Variants in KATNIP observed in about 807,000 individuals in gnomAD.
The protein encoded by KATNIP is katanin interacting protein, also known as katanin-interacting protein.
KATNIP carries 126 observed loss-of-function variants against 174.0 expected under a neutral mutation model. The observed-to-expected ratio is 0.72, with a 90% confidence interval of 0.63 to 0.84. The LOEUF is 0.84. Among genes scored for constraint, KATNIP ranks in the 40% least tolerant of loss-of-function variants. The pLI, the probability that KATNIP is intolerant of heterozygous loss-of-function variation, is 0.00. For synonymous variants in KATNIP, 810 were observed against 835.7 expected, an observed-to-expected ratio of 0.97 and a Z score of 0.53; for missense variants, 1,958 against 2,109.7, an observed-to-expected ratio of 0.93 and a Z score of 1.41.
At chr16:27,748,307 G>A (rs753855282) in intron 15 of KATNIP, among the ~76,000 whole-genome samples, 2 of 152,168 alleles carry the variant, frequency 1.3e-5, no homozygotes, top group Non-Finnish European at 1.5e-5. Context: ...TTGGCTGGGC[G>A]CGGTGGCTTA....
intron 2 of KATNIP, among the ~76,000 whole-genome samples, chr16:27,602,073 C>T (rs1423146145): frequency 6.6e-6 from 1 of 152,182 alleles, no homozygotes; most frequent in Non-Finnish European, 1.5e-5. Context: ...ACTAACAGCA[C>T]CAGCCTGAGA....
At chr16:27,624,311 A>G (rs1334121583) in intron 3 of KATNIP, among the ~76,000 whole-genome samples, 1 of 151,950 alleles carries the variant, frequency 6.6e-6, no homozygotes, top group East Asian at 1.9e-4. Flanking sequence ...AGCCCCAGCC[A>G]TGTCAGGTCC....
At chr16:27,704,798 G>A (rs984441191) in intron 12 of KATNIP, among the ~76,000 whole-genome samples, 2 of 152,138 alleles carry the variant, frequency 1.3e-5, no homozygotes, top group Non-Finnish European at 2.9e-5. Context: ...ACAAAGATGT[G>A]GCCATATGAG....
intron 2 of KATNIP, among the ~76,000 whole-genome samples, chr16:27,605,548 T>C (rs1383349443): frequency 6.6e-6 from 1 of 152,168 alleles, no homozygotes; most frequent in Non-Finnish European, 1.5e-5. Context: ...TAGTAATAAA[T>C]GTAACTCTAA....
At chr16:27,746,774 C>T (rs758683383) in intron 15 of KATNIP, among the ~76,000 whole-genome samples, 12 of 151,876 alleles carry the variant, frequency 7.9e-5, no homozygotes, top group African/African-American at 2.4e-4. Flanking sequence ...GGAGGGCCAG[C>T]GGGGCTGGAG....
chr16:27,603,136 T>C (rs2075586529), intron 2 of KATNIP, among the ~76,000 whole-genome samples: 1 of 152,194 alleles, frequency 6.6e-6, no homozygotes, highest in African/African-American at 2.4e-5. Context: ...TGAAAAGACA[T>C]CTCAGAAGGC....
chr16:27,565,188 A>C lies in KATNIP; in HGVS notation c.8-8713A>C, dbSNP rs977232639. On this transcript the variant is annotated intron_variant, in intron 1 of 27. Transcript: ENST00000261588. ...CAAGATAAAGAAATAATAGGAGTCCAGGCGCGGTGGCTCACACCTGTAATC... is the reference window on the plus strand; with the variant it reads ...CAAGATAAAGAAATAATAGGAGTCCCGGCGCGGTGGCTCACACCTGTAATC... Among the ~76,000 whole-genome samples, 34 of 150,772 alleles carry C rather than the reference A, an allele frequency of 2.3e-4. 1 individual carries two copies. The highest frequency in any genetic ancestry group is 8.2e-4 in the African/African-American group (34 of 41,236).
At chr16:27,619,200 G>A (rs2076127265) in intron 3 of KATNIP, among the ~76,000 whole-genome samples, 1 of 152,154 alleles carries the variant, frequency 6.6e-6, no homozygotes, top group Non-Finnish European at 1.5e-5. Flanking sequence ...CTGGCTCAGT[G>A]GAACAGTGGA....
intron 14 of KATNIP, among the ~76,000 whole-genome samples, chr16:27,728,562 C>G (rs141867059): frequency 2.9e-4 from 44 of 152,320 alleles, no homozygotes; most frequent in African/African-American, 5.5e-4. Flanking sequence ...TCCTGAGTTG[C>G]TGGGACTACA....
intron 13 of KATNIP, among the ~76,000 whole-genome samples, chr16:27,712,696 A>T (rs897685987): frequency 1.3e-5 from 2 of 151,924 alleles, no homozygotes; most frequent in African/African-American, 4.8e-5. Flanking sequence ...CCTCAAGATG[A>T]CTCCAGATTT....
chr16:27,564,112 T>G (rs906839928), intron 1 of KATNIP, among the ~76,000 whole-genome samples: 1 of 151,928 alleles, frequency 6.6e-6, no homozygotes, highest in African/African-American at 2.4e-5. Flanking sequence ...GGGCCTGGCT[T>G]GGAGAGCGGG....
At chr16:27,585,995 G>A (rs1245328580) in intron 2 of KATNIP, among the ~76,000 whole-genome samples, 1 of 152,116 alleles carries the variant, frequency 6.6e-6, no homozygotes, top group Admixed American at 6.6e-5. Flanking sequence ...CAGCTACTGG[G>A]GAGGCTGAAG....
chr16:27,630,298 G>A lies in KATNIP; in HGVS notation c.311-767G>A, dbSNP rs1417828530. 2.0e-5 allele frequency among the ~76,000 whole-genome samples: 3 copies of A among 152,220 alleles called. No individual in the cohort carries two copies. The East Asian group carries it at 5.8e-4, about 29-fold the overall frequency. ...TATGCCCACCTTGCAGGCTTGCTGGGAAGATTAAATGATGTAAGAAATGTA... is the reference window on the plus strand; with the variant it reads ...TATGCCCACCTTGCAGGCTTGCTGGAAAGATTAAATGATGTAAGAAATGTA... On this transcript the variant is annotated intron_variant, in intron 4 of 27. Transcript: ENST00000261588.
At chr16:27,732,603 CAG>C (rs1159842479) in intron 14 of KATNIP, among the ~76,000 whole-genome samples, 1 of 152,172 alleles carries the variant, frequency 6.6e-6, no homozygotes, top group African/African-American at 2.4e-5. Context: ...CAACCAGAGT[CAG>C]GGAGGAGGGG....
chr16:27,726,139 C>G (rs191816110), intron 14 of KATNIP, among the ~76,000 whole-genome samples: 1 of 152,276 alleles, frequency 6.6e-6, no homozygotes, highest in Non-Finnish European at 1.5e-5. Flanking sequence ...GGCATGGGAA[C>G]CCTACTGGGA....
At chr16:27,739,006 T>TAA (rs71140909) in intron 14 of KATNIP, among the ~76,000 whole-genome samples, 21 of 146,458 alleles carry the variant, frequency 1.4e-4, no homozygotes, top group African/African-American at 4.2e-4. Context: ...TGATTTCAGT[T>TAA]AAAAAAAAAA....
intron 1 of KATNIP, among the ~76,000 whole-genome samples, chr16:27,553,962 C>T (rs1433779234): frequency 8.8e-6 from 1 of 113,304 alleles, no homozygotes; most frequent in Non-Finnish European, 1.7e-5. Flanking sequence ...AGAGAGAGAG[C>T]AGGGGGTGGG....
intron 13 of KATNIP, among the ~76,000 whole-genome samples, chr16:27,712,409 C>A (rs1597253313): frequency 6.6e-6 from 1 of 152,298 alleles, no homozygotes; most frequent in East Asian, 1.9e-4. Context: ...CCTCGTTTAA[C>A]CCTCACATGA....
chr16:27,579,794 G>T (rs1264922729), intron 2 of KATNIP, among the ~76,000 whole-genome samples: 1 of 152,114 alleles, frequency 6.6e-6, no homozygotes, highest in Non-Finnish European at 1.5e-5. Context: ...TGCAAGGATT[G>T]CAAAAGTCAT....
Sources: allele counts gnomAD v4.1 joint callset (sites outside exome capture counted in the v4.1 genomes callset), GRCh38; gene constraint gnomAD v4.1.1; transcripts MANE v1.5; gene names NCBI Gene and HGNC (gene_info 2026-07-23, HGNC 2026-07-21).